The following RIPOR3 variants were observed in gnomAD, a reference collection of about 807,000 sequenced individuals.
RIPOR3 encodes the protein family with sequence similarity 65 member C.
Under a neutral mutation model 114.3 loss-of-function variants are expected in RIPOR3, and 95 were observed. The observed-to-expected ratio is 0.83, with a 90% CI of 0.70 to 0.99. RIPOR3 has a LOEUF of 0.99. Among genes scored for constraint, RIPOR3 ranks in the 50% least tolerant of loss-of-function variants. RIPOR3 has a pLI of 0.00. For missense variants in RIPOR3, 1,252 were observed against 1,266.9 expected (o/e 0.99, Z 0.18); for synonymous variants, 575 against 543.8 (o/e 1.06, Z -0.80).
In RIPOR3 at chr20:50,594,630, G is replaced by A. The variant is rs2122892897; in HGVS notation, c.2135C>T (p.Ala712Val). 2 of 1,613,740 alleles carry A rather than the reference G, an allele frequency of 1.2e-6. No individual in the cohort carries two copies. Among genetic ancestry groups the A allele is most frequent in the Non-Finnish European group, 1.7e-6 (2 of 1,179,950 alleles). ...CTTGAGCTGGTTCAGCAGCGTCGTGGCAGGGCAGGACAGGACCCTGCCAGG... is the reference window on the plus strand; with the variant it reads ...CTTGAGCTGGTTCAGCAGCGTCGTGACAGGGCAGGACAGGACCCTGCCAGG... ...TGPGRVLSCP[A>V]TTLLNQLKKT... Residue 712 changes from alanine to valine, a missense_variant, in exon 17 of 22, where the codon GCC becomes GTC. Ala to Val is a moderately conservative substitution (Grantham distance 64, BLOSUM62 0). Transcript: ENST00000327979.
chr20:50,662,817 G>A (rs185610756), intron 1 of RIPOR3, among the ~76,000 whole-genome samples: 104 of 152,230 alleles, frequency 6.8e-4, no homozygotes, highest in African/African-American at 2.2e-3. Context: ...TTTTCAGGAC[G>A]GACACAGTGG....
chr20:50,632,534 G>A (rs2084852408), intron 1 of RIPOR3, among the ~76,000 whole-genome samples: 1 of 152,236 alleles, frequency 6.6e-6, no homozygotes, highest in Non-Finnish European at 1.5e-5. Context: ...AGCATTTGCT[G>A]ACCACTCGCT....
In RIPOR3 at chr20:50,596,139, C is replaced by T. The variant is rs771635715; in HGVS notation, c.1914+1G>A. 6.2e-7 allele frequency: 1 copy of T among 1,614,082 alleles called. No homozygotes were observed. The highest frequency in any genetic ancestry group is 1.3e-5 in the African/African-American group (1 of 74,950). On this transcript the variant is annotated splice_donor_variant, in intron 15 of 21. Transcript: ENST00000327979. LOFTEE classifies it high-confidence loss of function. ...CCTGACAAGTCCCCTAGCCCAGCCA[C>T]CTGCAGCAGAGCTTTGCAGACTTGG...
intron 1 of RIPOR3, among the ~76,000 whole-genome samples, chr20:50,633,310 A>G (rs1477353659): frequency 6.6e-6 from 1 of 152,212 alleles, no homozygotes. Context: ...TTAAATGTTC[A>G]GGAATTTTGT....
chr20:50,655,359 T>G (rs2085772906), intron 1 of RIPOR3, among the ~76,000 whole-genome samples: 1 of 152,170 alleles, frequency 6.6e-6, no homozygotes, highest in Admixed American at 6.6e-5. Flanking sequence ...AACTCCTTCT[T>G]GTCCCCCTGC....
intron 1 of RIPOR3, among the ~76,000 whole-genome samples, chr20:50,661,805 C>T (rs1444275021): frequency 6.6e-6 from 1 of 152,126 alleles, no homozygotes. Context: ...TTTCCATTTC[C>T]CCTGGGGTCC....
chr20:50,590,616 C>T (rs2083078433), intron 19 of RIPOR3, among the ~76,000 whole-genome samples: 1 of 152,184 alleles, frequency 6.6e-6, no homozygotes, highest in Non-Finnish European at 1.5e-5. Context: ...TCCTCCTACA[C>T]AGGGCTCTGG....
chr20:50,641,557 T>C (rs1410320668), intron 1 of RIPOR3, among the ~76,000 whole-genome samples: 1 of 152,108 alleles, frequency 6.6e-6, no homozygotes, highest in African/African-American at 2.4e-5. Flanking sequence ...CTATTTCTTA[T>C]TGGAAGGGCC....
Position 50,594,957 on chromosome 20 carries a change from C to G in RIPOR3, c.2051-243G>C, listed in dbSNP as rs976609560. The stretch of plus-strand genomic sequence containing the variant: ...GAGGGGCTGCTGTCACCAGCCTCTC[C>G]TTACAGACAAGGAACCTGGCCTTCT... On this transcript the variant is annotated intron_variant, in intron 16 of 21. Transcript: ENST00000327979. 8.8e-5 allele frequency: 47 copies of G among 533,248 alleles called. No homozygotes were observed. The East Asian group carries it at 1.4e-3, about 16-fold the overall frequency. The allele number at this position is 533,248 out of a possible 1,614,324, so 33.0% of individuals were successfully genotyped here.
intron 4 of RIPOR3, among the ~76,000 whole-genome samples, chr20:50,615,108 A>AGTGTGTGTGTGTGTGTGTGTGTGT (rs56136460): frequency 1.7e-4 from 23 of 138,512 alleles, no homozygotes; most frequent in East Asian, 6.6e-4. Flanking sequence ...GCTATTTGTG[A>AGTGTGTGTGTGTGTGTGTGTGTGT]GTGTGTGTGT....
chr20:50,618,692 C>CT (rs1185800635), intron 3 of RIPOR3, among the ~76,000 whole-genome samples: 1 of 152,196 alleles, frequency 6.6e-6, no homozygotes, highest in Non-Finnish European at 1.5e-5. Context: ...TTGTCTGTCT[C>CT]TCCCCCACTA....
At chr20:50,662,741 G>C in intron 1 of RIPOR3, among the ~76,000 whole-genome samples, 1 of 152,222 alleles carries the variant, frequency 6.6e-6, no homozygotes, top group South Asian at 2.1e-4. Context: ...TGACACGGGG[G>C]AAGTCAATTC....
intron 19 of RIPOR3, 75 bp from the exon 20 acceptor site, chr20:50,589,844 C>T: frequency 1.5e-6 from 2 of 1,338,336 alleles, no homozygotes; most frequent in Non-Finnish European, 2.1e-6. Context: ...CATCAGCCAC[C>T]AGGTGCCGAC....
At chr20:50,592,932 G>A in intron 18 of RIPOR3, 103 bp downstream of exon 18, 1 of 1,406,166 alleles carries the variant, frequency 7.1e-7, no homozygotes, top group Non-Finnish European at 9.7e-7. Context: ...AGAACAGTTG[G>A]CGGGGATGGA....
Position 50,602,441 on chromosome 20 carries a change from G to C in RIPOR3, c.1290C>G (p.Gly430=). 1.9e-6 allele frequency: 3 copies of C among 1,590,920 alleles called. No homozygotes were observed. Among genetic ancestry groups the C allele is most frequent in the Non-Finnish European group, 2.6e-6 (3 of 1,166,720 alleles). ...GGGGACCGAAGGTCAAGGGCAGGAA[G>C]CCCACATCTGAGGTGGACGCCGACG... ...TSTSASTSDV[G]FLPLTFGPHA... The change falls in exon 13 of 22, where the codon GGC becomes GGG. Residue 430 remains glycine, a synonymous_variant. Coordinates refer to ENST00000327979, the MANE Select transcript of RIPOR3 (RefSeq NM_001290268.2). The surrounding 1 kb of genome is among the most constrained non-coding windows in gnomAD (Gnocchi z 4.3).
At chr20:50,595,253 C>T in intron 16 of RIPOR3, 116 bp downstream of exon 16, 1 of 1,370,964 alleles carries the variant, frequency 7.3e-7, no homozygotes, top group Non-Finnish European at 1.0e-6. Flanking sequence ...CCACAGCCTC[C>T]ACTCTGGGCC....
At position 50,595,301 on chromosome 20, in the gene RIPOR3, C is replaced by T. The variant is rs2083248901; in HGVS notation, c.2050+68G>A. ...GGCTATTAGGAAGGCAGAAGAGGCT[C>T]CCCGAGCTTTGATCCCGTCCCCGTG... On this transcript the variant is annotated intron_variant, in intron 16 of 21. Coordinates refer to ENST00000327979, the MANE Select transcript of RIPOR3 (RefSeq NM_001290268.2). The T allele has an allele frequency of 1.9e-6, 3 of 1,576,706 alleles. No individual in the cohort carries two copies. In the Admixed American group the frequency reaches 5.1e-5, roughly 27 times the overall value.
intron 1 of RIPOR3, among the ~76,000 whole-genome samples, chr20:50,666,410 A>G (rs963826791): frequency 6.8e-6 from 1 of 148,036 alleles, no homozygotes; most frequent in Non-Finnish European, 1.5e-5. Context: ...TTTTTAGTAG[A>G]GATGGGGTTT....
intron 1 of RIPOR3, among the ~76,000 whole-genome samples, chr20:50,659,629 A>G (rs1225939825): frequency 2.0e-5 from 3 of 148,420 alleles, no homozygotes; most frequent in South Asian, 4.3e-4. Context: ...CCTAGGTGAC[A>G]AGAGCGAAAC....
Sources: gnomAD v4.1 joint callset for allele counts (sites outside exome capture counted in the v4.1 genomes callset) on GRCh38, gnomAD v4.1.1 for gene constraint, Gnocchi (gnomAD v3.1) non-coding constraint, MANE v1.5 for transcripts, NCBI Gene and HGNC (gene_info 2026-07-23, HGNC 2026-07-21) for gene names.